The following DOK6 variants were observed in gnomAD, a reference collection of about 807,000 sequenced individuals.
DOK6 encodes downstream of tyrosine kinase 6.
Under a neutral mutation model 44.0 loss-of-function variants are expected in DOK6, and 22 were observed. That is an observed-to-expected ratio of 0.50 (90% CI 0.36 to 0.71). The LOEUF is 0.71. DOK6 is among the 30% of genes least tolerant of loss of function. The pLI, the probability that DOK6 is intolerant of heterozygous loss-of-function variation, is 0.00. For missense variants in DOK6, 340 were observed against 416.4 expected, an observed-to-expected ratio of 0.82 and a Z score of 1.60; for synonymous variants, 166 against 145.5, an observed-to-expected ratio of 1.14 and a Z score of -1.01.
intron 2 of DOK6, among the ~76,000 whole-genome samples, chr18:69,581,217 C>T (rs181941910): frequency 2.0e-3 from 310 of 152,180 alleles, no homozygotes; most frequent in African/African-American, 7.4e-3. Flanking sequence ...TAGAATTCTG[C>T]CCACCACCAA....
At chr18:69,515,116 C>T (rs1981484767) in intron 1 of DOK6, among the ~76,000 whole-genome samples, 1 of 152,140 alleles carries the variant, frequency 6.6e-6, no homozygotes, top group Non-Finnish European at 1.5e-5. Flanking sequence ...ATATTTAAAA[C>T]ACATGAGATG....
intron 1 of DOK6, among the ~76,000 whole-genome samples, chr18:69,502,396 T>C (rs1303012167): frequency 6.6e-6 from 1 of 151,934 alleles, no homozygotes; most frequent in Non-Finnish European, 1.5e-5. Context: ...TGGCTGCTAA[T>C]ATATTAAAAG....
chr18:69,448,551 T>C (rs1599136030), intron 1 of DOK6, among the ~76,000 whole-genome samples: 1 of 152,018 alleles, frequency 6.6e-6, no homozygotes, highest in African/African-American at 2.4e-5. Flanking sequence ...TTTTTGTATT[T>C]TTAGTAGAGA....
intron 1 of DOK6, among the ~76,000 whole-genome samples, chr18:69,424,642 T>A (rs944910910): frequency 5.2e-5 from 7 of 134,558 alleles, no homozygotes; most frequent in African/African-American, 1.7e-4. Context: ...ATTTTTTGTC[T>A]TACTCAAGAA....
At chr18:69,634,633 T>A (rs1984762005) in intron 3 of DOK6, among the ~76,000 whole-genome samples, 1 of 152,204 alleles carries the variant, frequency 6.6e-6, no homozygotes, top group South Asian at 2.1e-4. Context: ...ATTTATTCAA[T>A]AACTATTTAT....
intron 5 of DOK6, among the ~76,000 whole-genome samples, chr18:69,712,006 G>A (rs1361003377): frequency 1.3e-5 from 2 of 151,894 alleles, no homozygotes; most frequent in Non-Finnish European, 2.9e-5. Flanking sequence ...TTTCGGCCGG[G>A]CGCGGTGGCT....
At chr18:69,625,634 G>A (rs1177236767) in intron 3 of DOK6, among the ~76,000 whole-genome samples, 1 of 152,142 alleles carries the variant, frequency 6.6e-6, no homozygotes, top group Non-Finnish European at 1.5e-5. Flanking sequence ...TGTAAAAGCA[G>A]GTATCTTAAT....
chr18:69,738,227 A>G (rs1192343654), intron 5 of DOK6, among the ~76,000 whole-genome samples: 1 of 152,208 alleles, frequency 6.6e-6, no homozygotes, highest in Non-Finnish European at 1.5e-5. Context: ...ATCCTCATGA[A>G]TATTTTTATG....
intron 7 of DOK6, among the ~76,000 whole-genome samples, chr18:69,815,417 A>ATATAC (rs560031388): frequency 2.9e-4 from 44 of 152,310 alleles, no homozygotes; most frequent in African/African-American, 9.6e-4. Context: ...CAAAGCAGTA[A>ATATAC]TATACGATAG....
At chr18:69,801,340 T>C (rs1980901077) in intron 7 of DOK6, among the ~76,000 whole-genome samples, 1 of 152,174 alleles carries the variant, frequency 6.6e-6, no homozygotes, top group Admixed American at 6.6e-5. Context: ...CTTTTGTTTG[T>C]TTGCTTGCTT....
Position 69,772,583 on chromosome 18 carries a change from C to CA in DOK6, c.856+14711dup, listed in dbSNP as rs553462416. Among the ~76,000 whole-genome samples, 13 of 152,158 alleles carry CA rather than the reference C, an allele frequency of 8.5e-5. No homozygotes were observed. The South Asian group carries it at 2.7e-3, about 32-fold the overall frequency. On this transcript the variant is annotated intron_variant, in intron 7 of 7. Coordinates refer to ENST00000382713, the MANE Select transcript of DOK6 (RefSeq NM_152721.6). Reference sequence around the variant, plus strand: ...CAACATTATAAAGCCAACTGATCTTCAGCAAGAGTGCCAAAAATACACAAT... The same window carrying CA: ...CAACATTATAAAGCCAACTGATCTTCAAGCAAGAGTGCCAAAAATACACAAT...
At position 69,757,759 on chromosome 18, in the gene DOK6, C is replaced by CA; in HGVS notation, c.743dup (p.Thr249AspfsTer5). 5 of 1,613,784 alleles carry CA rather than the reference C, an allele frequency of 3.1e-6. No individual in the cohort carries two copies. The highest frequency in any genetic ancestry group is 4.2e-6 in the Non-Finnish European group (5 of 1,179,710). Reference sequence around the variant, plus strand: ...AACACATTCTTTTCTCTTTTAGCTTCAGACAAGCTTGACTGAACCAATGAC... The same window carrying CA: ...AACACATTCTTTTCTCTTTTAGCTTCAAGACAAGCTTGACTGAACCAATGAC... On this transcript the variant is annotated frameshift_variant, in exon 7 of 8. Transcript: ENST00000382713. LOFTEE classifies it high-confidence loss of function.
intron 1 of DOK6, among the ~76,000 whole-genome samples, chr18:69,502,907 T>C (rs1377996659): frequency 2.0e-5 from 3 of 152,136 alleles, no homozygotes; most frequent in Admixed American, 6.6e-5. Context: ...TTCTGTAGTG[T>C]GCGCTCTTAT....
intron 3 of DOK6, among the ~76,000 whole-genome samples, chr18:69,676,730 C>G (rs1160419290): frequency 6.6e-6 from 1 of 152,142 alleles, no homozygotes; most frequent in Non-Finnish European, 1.5e-5. Context: ...AGTAAAATAG[C>G]TGGAAGACTT....
intron 3 of DOK6, among the ~76,000 whole-genome samples, chr18:69,651,134 G>A (rs1042015379): frequency 1.1e-4 from 17 of 152,136 alleles, no homozygotes; most frequent in Admixed American, 1.0e-3. Flanking sequence ...ATGCTTCCCA[G>A]TACGAAGCAT....
At chr18:69,634,117 G>GT (rs1226641310) in intron 3 of DOK6, among the ~76,000 whole-genome samples, 1 of 151,344 alleles carries the variant, frequency 6.6e-6, no homozygotes, top group East Asian at 1.9e-4. Context: ...TAAAAAATTA[G>GT]TCCAAACATA....
intron 2 of DOK6, among the ~76,000 whole-genome samples, chr18:69,595,123 T>C (rs1454680575): frequency 6.6e-6 from 1 of 152,146 alleles, no homozygotes; most frequent in Non-Finnish European, 1.5e-5. Context: ...TGCAAAGACA[T>C]GCCATGTTAA....
At chr18:69,672,877 C>G (rs781692046) in intron 3 of DOK6, among the ~76,000 whole-genome samples, 1 of 151,984 alleles carries the variant, frequency 6.6e-6, no homozygotes, top group Non-Finnish European at 1.5e-5. Flanking sequence ...ATTCTCTAAG[C>G]AATAGCCTGT....
intron 5 of DOK6, among the ~76,000 whole-genome samples, chr18:69,715,558 C>T (rs955582037): frequency 4.6e-5 from 7 of 152,142 alleles, no homozygotes; most frequent in Admixed American, 2.6e-4. Context: ...AGCTGTCAGT[C>T]GAGTGCATTG....
Sources: gnomAD v4.1 joint callset for allele counts (sites outside exome capture counted in the v4.1 genomes callset) on GRCh38, gnomAD v4.1.1 for gene constraint, MANE v1.5 for transcripts, NCBI Gene and HGNC (gene_info 2026-07-23, HGNC 2026-07-21) for gene names.